Variants in LRBA observed in about 807,000 individuals in gnomAD.
The protein encoded by LRBA is LPS responsive beige-like anchor protein, also known as lipopolysaccharide-responsive and beige-like anchor protein.
Under a neutral mutation model 330.0 loss-of-function variants are expected in LRBA, and 176 were observed. That is an observed-to-expected ratio of 0.53 (90% CI 0.47 to 0.60). LRBA has a LOEUF of 0.60. Ranked by LOEUF, LRBA falls within the 20% of genes least tolerant of loss-of-function variation. The pLI is 0.00. For missense variants in LRBA, 3,259 were observed against 3,444.8 expected (o/e 0.95, Z 1.35); for synonymous variants, 1,230 against 1,193.0 (o/e 1.03, Z -0.64).
intron 50 of LRBA, among the ~76,000 whole-genome samples, chr4:150,319,504 A>G (rs1187749512): frequency 6.6e-6 from 1 of 152,206 alleles, no homozygotes; most frequent in Non-Finnish European, 1.5e-5. Context: ...CACGTTTCTT[A>G]AATAAATTGT....
chr4:150,878,588 G>C (rs1037844741), intron 17 of LRBA, among the ~76,000 whole-genome samples: 4 of 151,130 alleles, frequency 2.6e-5, no homozygotes, highest in African/African-American at 7.3e-5. Flanking sequence ...AAAGAAGACT[G>C]ATAGACCACT....
intron 46 of LRBA, among the ~76,000 whole-genome samples, chr4:150,425,860 A>C (rs1749528764): frequency 6.6e-6 from 1 of 152,132 alleles, no homozygotes; most frequent in African/African-American, 2.4e-5. Context: ...GAAGCATGAT[A>C]AATTAGAAGT....
At chr4:150,350,678 A>G (rs1490301648) in intron 47 of LRBA, among the ~76,000 whole-genome samples, 2 of 152,120 alleles carry the variant, frequency 1.3e-5, no homozygotes, top group African/African-American at 2.4e-5. Context: ...TAATTACAAT[A>G]AATGTGTAAG....
intron 51 of LRBA, among the ~76,000 whole-genome samples, chr4:150,311,577 T>TGGCACACACAACAC (rs1731073284): frequency 6.6e-6 from 1 of 152,184 alleles, no homozygotes; most frequent in Admixed American, 6.5e-5. Context: ...GTTGCCCTCA[T>TGGCACACACAACAC]GGCACACACA....
At chr4:150,501,677 G>A (rs922472649) in intron 40 of LRBA, among the ~76,000 whole-genome samples, 1 of 151,666 alleles carries the variant, frequency 6.6e-6, no homozygotes, top group African/African-American at 2.4e-5. Context: ...ACAAAAGGGG[G>A]AAGAAGAGTA....
intron 47 of LRBA, among the ~76,000 whole-genome samples, chr4:150,391,855 A>G (rs1252837506): frequency 5.2e-5 from 6 of 116,366 alleles, no homozygotes; most frequent in Non-Finnish European, 9.6e-5. Context: ...AATTTATTTC[A>G]GCTCACACCC....
chr4:150,896,490 C>A (rs1437499666), intron 15 of LRBA, 34 bp from the exon 16 acceptor site: 1 of 1,137,220 alleles, frequency 8.8e-7, no homozygotes, highest in Non-Finnish European at 1.3e-6. Flanking sequence ...CTTACGTTTA[C>A]ATGTAAAAAA....
intron 34 of LRBA, among the ~76,000 whole-genome samples, chr4:150,771,258 T>C (rs1456727695): frequency 6.6e-6 from 1 of 152,196 alleles, no homozygotes; most frequent in Non-Finnish European, 1.5e-5. Flanking sequence ...GAATCCTACC[T>C]GTGGGGAGAA....
intron 40 of LRBA, among the ~76,000 whole-genome samples, chr4:150,557,081 A>T (rs1474955556): frequency 6.6e-6 from 1 of 152,192 alleles, no homozygotes; most frequent in East Asian, 1.9e-4. Flanking sequence ...CTAGAGCTGC[A>T]GAAGGGAAGC....
At chr4:150,499,748 C>T (rs1358242063) in intron 40 of LRBA, among the ~76,000 whole-genome samples, 1 of 151,852 alleles carries the variant, frequency 6.6e-6, no homozygotes, top group Non-Finnish European at 1.5e-5. Context: ...AAAAAACTAA[C>T]TTTAAATATA....
chr4:150,507,827 C>T lies in LRBA; in HGVS notation c.6331-16792G>A, dbSNP rs1350094084. Reference sequence around the variant, plus strand: ...TGGGAGAAAATTTTTGCAACCAACCCAAATGTCCAACAACGACAGACTGGG... The same window carrying T: ...TGGGAGAAAATTTTTGCAACCAACCTAAATGTCCAACAACGACAGACTGGG... On this transcript the variant is annotated intron_variant, in intron 40 of 56. Coordinates refer to ENST00000651943, the MANE Select transcript of LRBA (RefSeq NM_001364905.1). 8.6e-5 allele frequency among the ~76,000 whole-genome samples: 13 copies of T among 152,024 alleles called. No individual in the cohort carries two copies. In the East Asian group the frequency reaches 2.5e-3, roughly 29 times the overall value.
At chr4:150,721,722 C>G (rs1728962274) in intron 36 of LRBA, among the ~76,000 whole-genome samples, 1 of 152,106 alleles carries the variant, frequency 6.6e-6, no homozygotes, top group Non-Finnish European at 1.5e-5. Context: ...TCAAGCGATT[C>G]CCATTACTCA....
At chr4:150,442,135 T>C (rs1751922911) in intron 44 of LRBA, among the ~76,000 whole-genome samples, 1 of 152,178 alleles carries the variant, frequency 6.6e-6, no homozygotes, top group South Asian at 2.1e-4. Context: ...TCAGATTTTT[T>C]ACAAAGCAGA....
chr4:150,323,643 C>T (rs1732851933), intron 49 of LRBA, among the ~76,000 whole-genome samples: 1 of 152,198 alleles, frequency 6.6e-6, no homozygotes, highest in South Asian at 2.1e-4. Context: ...TAGTCTGCTC[C>T]TCCATACCCC....
At chr4:150,973,304 A>C (rs1739783346) in intron 2 of LRBA, among the ~76,000 whole-genome samples, 1 of 152,036 alleles carries the variant, frequency 6.6e-6, no homozygotes, top group African/African-American at 2.4e-5. Flanking sequence ...AGTAGCTGGG[A>C]TTACAGGCAT....
chr4:150,650,779 T>C (rs1779632811), intron 37 of LRBA, among the ~76,000 whole-genome samples: 1 of 151,998 alleles, frequency 6.6e-6, no homozygotes, highest in Non-Finnish European at 1.5e-5. Flanking sequence ...TTTACTTCAT[T>C]AGACAAAAAG....
intron 43 of LRBA, among the ~76,000 whole-genome samples, chr4:150,471,343 A>C (rs1756107850): frequency 6.6e-6 from 1 of 152,094 alleles, no homozygotes; most frequent in African/African-American, 2.4e-5. Context: ...GGGTGAATAT[A>C]ATTTCCCTCT....
Position 150,339,988 on chromosome 4 carries a change from T to C in LRBA, c.7362+10004A>G, listed in dbSNP as rs562347813. Among the ~76,000 whole-genome samples, 9 of 152,120 alleles carry C rather than the reference T, an allele frequency of 5.9e-5. No homozygotes were observed. In the East Asian group the frequency reaches 1.7e-3, roughly 30 times the overall value. On this transcript the variant is annotated intron_variant, in intron 48 of 56. Transcript: ENST00000651943. ...TGAATCATGGTGGTGGTTTCCCCCA[T>C]ACTATTCTTGTGATGGTAAGTTCTC...
chr4:150,407,488 G>C (rs12648391), intron 47 of LRBA, among the ~76,000 whole-genome samples: 4 of 151,946 alleles, frequency 2.6e-5, no homozygotes, highest in African/African-American at 9.7e-5. Flanking sequence ...CAACTAGACA[G>C]AAAGTCAGCA....
Sources: gnomAD v4.1 joint callset for allele counts (sites outside exome capture counted in the v4.1 genomes callset) on GRCh38, gnomAD v4.1.1 for gene constraint, MANE v1.5 for transcripts, NCBI Gene and HGNC (gene_info 2026-07-23, HGNC 2026-07-21) for gene names.